Variants in IFT74 observed in about 807,000 individuals in gnomAD.
The protein encoded by IFT74 is intraflagellar transport protein 74 homolog.
In IFT74, 92 loss-of-function variants were observed where a neutral mutation model predicts 96.7. The observed-to-expected ratio is 0.95, with a 90% confidence interval of 0.80 to 1.13. IFT74 has a LOEUF of 1.13. Among genes scored for constraint, IFT74 ranks in the 50% most tolerant of loss-of-function variants. IFT74 has a pLI of 0.00. For missense variants in IFT74, 811 were observed against 698.2 expected, an observed-to-expected ratio of 1.16 and a Z score of -1.82; for synonymous variants, 223 against 213.2, an observed-to-expected ratio of 1.05 and a Z score of -0.40.
rs181281463 is a variant in IFT74, at chr9:27,057,744, G to A, written c.1623+1285G>A. On this transcript the variant is annotated intron_variant, in intron 18 of 19. Coordinates refer to ENST00000380062, the MANE Select transcript of IFT74 (RefSeq NM_025103.4). ...GTGGTGGCGGGTGCCTGTAGTCCCA[G>A]CTACTCGGGAGGCTGAGGCAGGAGA... is the stretch of plus-strand genomic sequence containing the variant. Among the ~76,000 whole-genome samples the A allele has an allele frequency of 3.9e-4, 60 of 152,188 alleles. 1 individual carries two copies. The highest frequency in any genetic ancestry group is 3.9e-3 in the Admixed American group (60 of 15,294).
At chr9:26,980,477 G>C (rs772842446) in intron 3 of IFT74, 94 bp from the exon 4 acceptor site, 5 of 785,748 alleles carry the variant, frequency 6.4e-6, no homozygotes, top group Non-Finnish European at 9.2e-6. Flanking sequence ...AGACTGTCTT[G>C]AGAATTGTGG....
rs189856850 is a variant in IFT74 at position 26,959,303 on chromosome 9, G to A, written c.-19-2646G>A. On this transcript the variant is annotated intron_variant, in intron 1 of 19. Coordinates refer to ENST00000380062, the MANE Select transcript of IFT74 (RefSeq NM_025103.4). Reference sequence around the variant, plus strand: ...TTTTGTATTTTTTAGTAGAGACAGGGTTTCACCGTGTTAGCCAGGATGGTC... The same window carrying A: ...TTTTGTATTTTTTAGTAGAGACAGGATTTCACCGTGTTAGCCAGGATGGTC... 1.9e-3 allele frequency among the ~76,000 whole-genome samples: 295 copies of A among 152,222 alleles called. 2 individuals carry two copies. The highest frequency in any genetic ancestry group is 6.9e-3 in the African/African-American group (286 of 41,516).
intron 8 of IFT74, among the ~76,000 whole-genome samples, chr9:27,003,206 T>G (rs555604979): frequency 1.5e-3 from 198 of 135,414 alleles, no homozygotes; most frequent in Non-Finnish European, 2.0e-3. Context: ...TTAGGGTTTG[T>G]TTTTTTTTTA....
rs1587297647 is a variant in IFT74 at position 26,990,119 on chromosome 9, GTTAAC to G, written c.526-12_526-8del. The G allele has an allele frequency of 6.8e-7, 1 of 1,471,514 alleles. No individual in the cohort carries two copies. Among genetic ancestry groups the G allele is most frequent in the Non-Finnish European group, 9.0e-7 (1 of 1,108,120 alleles). 91.2% of individuals were successfully genotyped at this position (1,471,514 alleles called of 1,614,324 possible). A position where few individuals can be genotyped will look rare whatever the true frequency, so the allele number is the denominator to read the frequency against. On this transcript the variant is annotated splice_polypyrimidine_tract_variant and intron_variant, in intron 7 of 19. Transcript: ENST00000380062. ...ATATTTATTTCTTACTAACTTATGT[GTTAAC>G]TTTATTCAGCTTAAAGCTCAAAATG...
In IFT74 at chr9:27,016,982, G is replaced by C. The variant is rs1354737358; in HGVS notation, c.865G>C (p.Asp289His). The change falls in exon 11 of 20, where the codon GAT (aspartate) becomes CAT (histidine). Residue 289 changes from aspartate (D) to histidine (H), a missense_variant. Physicochemically the swap from Asp to His is moderately conservative, Grantham distance 81. Transcript: ENST00000380062. The part of the protein sequence containing the change: ...EKLYELESHR[D>H]QMIAEDKSIG... The stretch of plus-strand genomic sequence containing the variant: ...ACTTTATGAGTTGGAGTCCCATCGA[G>C]ATCAAATGATTGCAGAAGACAAAAG... 18 of 1,611,202 alleles carry C rather than the reference G, an allele frequency of 1.1e-5. No homozygotes were observed. Among genetic ancestry groups the C allele is most frequent in the Non-Finnish European group, 1.5e-5 (18 of 1,178,534 alleles).
In IFT74 at chr9:27,036,170, G is replaced by A. The variant is rs1819171176; in HGVS notation, c.1054+7066G>A. On this transcript the variant is annotated intron_variant, in intron 13 of 19. Transcript: ENST00000380062. ...CATTATAAAGGTCTTCATCCTCATTGTCTTCACATTGAGTAGACTGAGGAA... is the reference window on the plus strand; with the variant it reads ...CATTATAAAGGTCTTCATCCTCATTATCTTCACATTGAGTAGACTGAGGAA... Among the ~76,000 whole-genome samples the A allele has an allele frequency of 2.6e-5, 4 of 152,116 alleles. No homozygotes were observed. In the South Asian group the frequency reaches 8.3e-4, roughly 32 times the overall value.
intron 8 of IFT74, among the ~76,000 whole-genome samples, chr9:27,003,773 A>T (rs1016377046): frequency 4.6e-4 from 70 of 152,324 alleles, no homozygotes; most frequent in African/African-American, 1.6e-3. Context: ...TTGGATGTAG[A>T]TCATAATAGA....
At chr9:27,057,551 A>G (rs1170602997) in intron 18 of IFT74, among the ~76,000 whole-genome samples, 1 of 152,090 alleles carries the variant, frequency 6.6e-6, no homozygotes, top group African/African-American at 2.4e-5. Context: ...TTAAAACCCT[A>G]AATGCATTAA....
chr9:27,008,368 T>G (rs1828888601), intron 8 of IFT74, among the ~76,000 whole-genome samples: 1 of 152,138 alleles, frequency 6.6e-6, no homozygotes, highest in African/African-American at 2.4e-5. Flanking sequence ...TTTGTCTTTT[T>G]TTTTTTTGAG....
intron 8 of IFT74, among the ~76,000 whole-genome samples, chr9:27,003,383 T>C (rs371491762): frequency 1.1e-4 from 16 of 152,040 alleles, no homozygotes; most frequent in Non-Finnish European, 1.5e-4. Flanking sequence ...ATTAGCCGGG[T>C]GCAGTGGCAG....
rs533952472 is a variant in IFT74 at position 27,048,086 on chromosome 9, T to G, written c.1207-62T>G. On this transcript the variant is annotated intron_variant, in intron 15 of 19. Coordinates refer to ENST00000380062, the MANE Select transcript of IFT74 (RefSeq NM_025103.4). ...ATCCTTTGACAGTGTTTTCCAAGAG[T>G]TTTATTGAGAACTAACTAAATCAGT... 1.3e-4 allele frequency: 159 copies of G among 1,224,210 alleles called. 2 individuals carry two copies. The South Asian group carries it at 2.5e-3, about 20-fold the overall frequency. 75.8% of individuals were successfully genotyped at this position (1,224,210 alleles called of 1,614,324 possible).
intron 13 of IFT74, among the ~76,000 whole-genome samples, chr9:27,038,647 CG>C (rs1338857632): frequency 3.3e-5 from 5 of 152,080 alleles, no homozygotes; most frequent in African/African-American, 1.2e-4. Flanking sequence ...AGGGTGACTT[CG>C]AGGAACACAT....
intron 9 of IFT74, among the ~76,000 whole-genome samples, chr9:27,010,545 A>C (rs1455171781): frequency 6.9e-6 from 1 of 144,054 alleles, no homozygotes; most frequent in Non-Finnish European, 1.5e-5. Flanking sequence ...GCTGGAGTGC[A>C]GTGGCGCGAT....
chr9:27,057,695 A>G (rs1042158113), intron 18 of IFT74, among the ~76,000 whole-genome samples: 3 of 152,064 alleles, frequency 2.0e-5, no homozygotes, highest in Admixed American at 1.3e-4. Context: ...CGTCTCTACT[A>G]AAAATACAAA....
chr9:27,058,520 G>A, intron 18 of IFT74, among the ~76,000 whole-genome samples: 1 of 152,096 alleles, frequency 6.6e-6, no homozygotes. Context: ...CAAGTAGCTG[G>A]GATTGTAGGC....
rs775618832 is a variant in IFT74, at chr9:27,009,115, T to C, written c.683T>C (p.Val228Ala). The change falls in exon 9 of 20, where the codon GTC becomes GCC. Residue 228 changes from valine to alanine, a missense_variant. By Grantham distance (64) the Val-to-Ala change is moderately conservative. Transcript: ENST00000380062. ...IIKNMSFENQ[V>A]KYLEMKTTNE... The stretch of plus-strand genomic sequence containing the variant: ...AAAAATATGTCTTTTGAAAACCAAG[T>C]CAAGTACCTAGAGATGAAAACCACA... The C allele has an allele frequency of 6.2e-7, 1 of 1,613,226 alleles. No individual in the cohort carries two copies. The highest frequency in any genetic ancestry group is 1.3e-5 in the African/African-American group (1 of 74,898).
chr9:26,954,555 C>CTGAGGACATATAA (rs920029719), upstream of IFT74, among the ~76,000 whole-genome samples: 4 of 150,292 alleles, frequency 2.7e-5, no homozygotes, highest in Non-Finnish European at 4.4e-5. Context: ...ACAGGGTGCA[C>CTGAGGACATATAA]TGAGGACATA....
At chr9:26,958,387 G>T (rs1334134176) in intron 1 of IFT74, among the ~76,000 whole-genome samples, 1 of 152,152 alleles carries the variant, frequency 6.6e-6, no homozygotes, top group African/African-American at 2.4e-5. Flanking sequence ...AAAGTAATAG[G>T]CAAAATGTGT....
At chr9:27,016,064 A>T (rs1363738704) in intron 10 of IFT74, among the ~76,000 whole-genome samples, 4 of 152,196 alleles carry the variant, frequency 2.6e-5, no homozygotes, top group Admixed American at 6.5e-5. Context: ...GTGCTGCTAT[A>T]ATAGAATATC....
Sources: allele counts gnomAD v4.1 joint callset (sites outside exome capture counted in the v4.1 genomes callset), GRCh38; gene constraint gnomAD v4.1.1; transcripts MANE v1.5; gene names NCBI Gene and HGNC (gene_info 2026-07-23, HGNC 2026-07-21).